The following S100A7 variants were observed in gnomAD, a reference collection of about 807,000 sequenced individuals.
S100A7 encodes S100 calcium binding protein A7, also known as protein S100-A7.
S100A7 carries 2 observed loss-of-function variants against 3.8 expected under a neutral mutation model. The observed-to-expected ratio is 0.53, with a 90% confidence interval of 0.22 to 1.67. The LOEUF is 1.67. Among genes scored for constraint, S100A7 ranks in the 40% most tolerant of loss-of-function variants. S100A7 has a pLI of 0.20. For synonymous variants in S100A7, 55 were observed against 45.9 expected (o/e 1.20, Z -0.80); for missense variants, 130 against 126.3 (o/e 1.03, Z -0.14).
chr1:153,459,116 G>C (rs973841080), intron 1 of S100A7, 86 bp from the exon 2 acceptor site: 141 of 1,480,586 alleles, frequency 9.5e-5, no homozygotes, highest in Non-Finnish European at 1.1e-4. Context: ...GCTGAGGACA[G>C]AGTAAAAACA....
In S100A7 at chr1:153,460,594, C is replaced by A; in HGVS notation, c.-18+14G>T. ...GGCACTTCTAGAAAACGCAAAGAGGCAGGTGAGACTTACCAGAGCTGGGAA... is the reference window on the plus strand; with the variant it reads ...GGCACTTCTAGAAAACGCAAAGAGGAAGGTGAGACTTACCAGAGCTGGGAA... On this transcript the variant is annotated intron_variant, in intron 1 of 2. Coordinates refer to ENST00000368723, the MANE Select transcript of S100A7 (RefSeq NM_002963.4). 2.0e-6 allele frequency: 2 copies of A among 1,014,922 alleles called. No individual in the cohort carries two copies. The highest frequency in any genetic ancestry group is 1.5e-6 in the Non-Finnish European group (1 of 660,856). 62.9% of individuals were successfully genotyped at this position (1,014,922 alleles called of 1,614,324 possible). A position where few individuals can be genotyped will look rare whatever the true frequency, so the allele number is the denominator to read the frequency against.
chr1:153,460,089 T>A (rs1663791382), intron 1 of S100A7, among the ~76,000 whole-genome samples: 1 of 152,262 alleles, frequency 6.6e-6, no homozygotes, highest in Non-Finnish European at 1.5e-5. Flanking sequence ...AGAGGGTGAC[T>A]GACAATTTGC....
intron 2 of S100A7, among the ~76,000 whole-genome samples, chr1:153,458,642 C>G (rs886884630): frequency 4.6e-5 from 7 of 152,202 alleles, no homozygotes; most frequent in Non-Finnish European, 1.0e-4. Flanking sequence ...GGACTGTGCA[C>G]TGCCCTCAAG....
chr1:153,460,494 G>T lies in S100A7; in HGVS notation c.-18+114C>A. Reference sequence around the variant, plus strand: ...CACAGCCCAGCTAATGGCAGAGCTGGCCTAGACCCAGGCTTCTGAGTCTTT... The same window carrying T: ...CACAGCCCAGCTAATGGCAGAGCTGTCCTAGACCCAGGCTTCTGAGTCTTT... On this transcript the variant is annotated intron_variant, in intron 1 of 2. Transcript: ENST00000368723. 4 of 640,158 alleles carry T rather than the reference G, an allele frequency of 6.2e-6. No homozygotes were observed. In the East Asian group the frequency reaches 1.2e-4, roughly 19 times the overall value. The allele number at this position is 640,158 out of a possible 1,614,324, so 39.7% of individuals were successfully genotyped here. A position where few individuals can be genotyped will look rare whatever the true frequency, so the allele number is the denominator to read the frequency against.
rs1291436816 is a variant in S100A7, at chr1:153,460,649, T to G, written c.-59A>C. ...CACGAGTAGAAGGATGAGTGAGATG[T>G]GTGTGTTTGGACAAAGAGCAGTCCT... On this transcript the variant is annotated 5_prime_UTR_variant, in exon 1 of 3. Transcript: ENST00000368723. 4.2e-6 allele frequency: 5 copies of G among 1,203,510 alleles called. No individual in the cohort carries two copies. The highest frequency in any genetic ancestry group is 6.0e-6 in the Non-Finnish European group (5 of 833,960). The allele number at this position is 1,203,510 out of a possible 1,614,324, so 74.6% of individuals were successfully genotyped here. A position where few individuals can be genotyped will look rare whatever the true frequency, so the allele number is the denominator to read the frequency against.
At chr1:153,458,583 G>A (rs1359629230) in intron 2 of S100A7, among the ~76,000 whole-genome samples, 2 of 152,188 alleles carry the variant, frequency 1.3e-5, no homozygotes, top group Non-Finnish European at 2.9e-5. Context: ...CAGGACCTGA[G>A]CATGTGAGTT....
chr1:153,459,668 CCT>C (rs1386246210), intron 1 of S100A7: 1 of 152,522 alleles, frequency 6.6e-6, no homozygotes, highest in Non-Finnish European at 1.5e-5. Context: ...ACAGGAATGG[CCT>C]CTGTTACAAG....
At chr1:153,458,311 G>A (rs1458146326) in intron 2 of S100A7, among the ~76,000 whole-genome samples, 1 of 151,984 alleles carries the variant, frequency 6.6e-6, no homozygotes, top group Non-Finnish European at 1.5e-5. Context: ...TCTACCCCAG[G>A]GCCTCAAAAT....
intron 2 of S100A7, among the ~76,000 whole-genome samples, chr1:153,458,275 C>G (rs1403253032): frequency 2.0e-5 from 3 of 152,276 alleles, no homozygotes; most frequent in African/African-American, 4.8e-5. Flanking sequence ...CCCGTCCCAG[C>G]CTCTAAGGGC....
intron 2 of S100A7, 59 bp downstream of exon 2, chr1:153,458,814 G>A: frequency 6.3e-7 from 1 of 1,597,830 alleles, no homozygotes; most frequent in Non-Finnish European, 8.5e-7. Flanking sequence ...AGGGTGATCT[G>A]TCCAAGGCCA....
intron 2 of S100A7, among the ~76,000 whole-genome samples, chr1:153,458,303 T>C (rs1217090008): frequency 2.0e-5 from 3 of 152,164 alleles, no homozygotes; most frequent in African/African-American, 7.2e-5. Flanking sequence ...ACCTTAGTTC[T>C]ACCCCAGGGC....
At position 153,459,010 on chromosome 1, in the gene S100A7, T is replaced by C. The variant is rs932520304; in HGVS notation, c.4A>G (p.Ser2Gly). 5.6e-6 allele frequency: 9 copies of C among 1,611,138 alleles called. No individual in the cohort carries two copies. In the African/African-American group the frequency reaches 1.1e-4, roughly 19 times the overall value. MSNTQAERSIIG... is the reference protein window; with the variant it reads MGNTQAERSIIG... The stretch of plus-strand genomic sequence containing the variant: ...ATGGACCTCTCAGCTTGAGTGTTGC[T>C]CATCTTTGCTTTCAAAAAGCCTTCA... The change falls in exon 2 of 3, where the codon AGC (serine) becomes GGC (glycine). Residue 2 changes from serine (S) to glycine (G), a missense_variant. Physicochemically the swap from Ser to Gly is moderately conservative, Grantham distance 56. Coordinates refer to ENST00000368723, the MANE Select transcript of S100A7 (RefSeq NM_002963.4).
Position 153,457,766 on chromosome 1 carries a change from T to C in S100A7, c.*40A>G, listed in dbSNP as rs1663721970. The C allele has an allele frequency of 6.3e-7, 1 of 1,581,776 alleles. No individual in the cohort carries two copies. Among genetic ancestry groups the C allele is most frequent in the East Asian group, 2.3e-5 (1 of 43,536 alleles). ...GTGTCTGGTGGGAGAAGACATTTTATTGTTCCTGGGGTCTCTGGAGGCCCA... is the reference window on the plus strand; with the variant it reads ...GTGTCTGGTGGGAGAAGACATTTTACTGTTCCTGGGGTCTCTGGAGGCCCA... On this transcript the variant is annotated 3_prime_UTR_variant, in exon 3 of 3. Transcript: ENST00000368723.
Position 153,457,803 on chromosome 1 carries a change from G to A in S100A7, c.*3C>T, listed in dbSNP as rs777643190. On this transcript the variant is annotated 3_prime_UTR_variant, in exon 3 of 3. Coordinates refer to ENST00000368723, the MANE Select transcript of S100A7 (RefSeq NM_002963.4). ...TCTCTGGAGGCCCATTGGTGGGGCTGGGTCACTGGCTGCCCCCGGAACAGG... is the reference window on the plus strand; with the variant it reads ...TCTCTGGAGGCCCATTGGTGGGGCTAGGTCACTGGCTGCCCCCGGAACAGG... 1.1e-5 allele frequency: 17 copies of A among 1,614,014 alleles called. No individual in the cohort carries two copies. In the Middle Eastern group the frequency reaches 6.6e-4, roughly 63 times the overall value.
chr1:153,459,341 C>G (rs1290355855), intron 1 of S100A7, among the ~76,000 whole-genome samples: 1 of 152,210 alleles, frequency 6.6e-6, no homozygotes, highest in Non-Finnish European at 1.5e-5. Context: ...AAGAACTAAG[C>G]TGGGACACCC....
chr1:153,458,006 A>G (rs1479356447), intron 2 of S100A7, 36 bp from the exon 3 acceptor site: 9 of 1,607,128 alleles, frequency 5.6e-6, no homozygotes, highest in Non-Finnish European at 7.7e-6. Context: ...AGAAAAATTC[A>G]ATCACAAACA....
At chr1:153,460,253 C>A (rs1248063680) in intron 1 of S100A7, among the ~76,000 whole-genome samples, 2 of 152,240 alleles carry the variant, frequency 1.3e-5, no homozygotes, top group Admixed American at 6.5e-5. Flanking sequence ...GCCCTCCACC[C>A]TCTGTGGAGC....
chr1:153,457,926 C>T lies in S100A7; in HGVS notation c.186G>A (p.Lys62=). ...TNYLADVFEK[K]DKNEDKKIDF... ...CAATCTTCTTATCCTCATTCTTGTCCTTTTTCTCAAAGACATCGGCGAGGT... is the reference window on the plus strand; with the variant it reads ...CAATCTTCTTATCCTCATTCTTGTCTTTTTTCTCAAAGACATCGGCGAGGT... The change falls in exon 3 of 3, where the codon AAG becomes AAA. Residue 62 remains lysine (K), a synonymous_variant. Transcript: ENST00000368723. 3 of 1,614,140 alleles carry T rather than the reference C, an allele frequency of 1.9e-6. No homozygotes were observed. Among genetic ancestry groups the T allele is most frequent in the Non-Finnish European group, 2.5e-6 (3 of 1,180,032 alleles).
At chr1:153,460,521 T>C (rs770260704) in intron 1 of S100A7, 87 bp downstream of exon 1, 146 of 682,936 alleles carry the variant, frequency 2.1e-4, no homozygotes, top group Non-Finnish European at 3.6e-4. Flanking sequence ...TGAGTCTTTG[T>C]CCACAGCCCT....
Sources: gnomAD v4.1 joint callset for allele counts (sites outside exome capture counted in the v4.1 genomes callset) on GRCh38, gnomAD v4.1.1 for gene constraint, MANE v1.5 for transcripts, NCBI Gene and HGNC (gene_info 2026-07-23, HGNC 2026-07-21) for gene names.